The following NRDC variants were observed in gnomAD, a reference collection of about 807,000 sequenced individuals.
NRDC encodes nardilysin.
Under a neutral mutation model 147.1 loss-of-function variants are expected in NRDC, and 54 were observed. The observed-to-expected ratio is 0.37, with a 90% CI of 0.29 to 0.46. The LOEUF is 0.46. NRDC is among the 20% of genes least tolerant of loss of function. The pLI is 1.00. For synonymous variants in NRDC, 440 were observed against 482.1 expected, an observed-to-expected ratio of 0.91 and a Z score of 1.14; for missense variants, 1,082 against 1,370.6, an observed-to-expected ratio of 0.79 and a Z score of 3.33.
At position 51,812,187 on chromosome 1, in the gene NRDC, T is replaced by C. The variant is rs554631816; in HGVS notation, c.1675-89A>G. Reference sequence around the variant, plus strand: ...ATACAAATACTTTCTCCCTTTCTTATTAACAATAAAACCAAAAGCTTCTGA... The same window carrying C: ...ATACAAATACTTTCTCCCTTTCTTACTAACAATAAAACCAAAAGCTTCTGA... On this transcript the variant is annotated intron_variant, in intron 14 of 30. Coordinates refer to ENST00000352171, the MANE Select transcript of NRDC (RefSeq NM_001101662.2). 6.3e-6 allele frequency: 6 copies of C among 954,344 alleles called. No homozygotes were observed. In the African/African-American group the frequency reaches 6.6e-5, roughly 10 times the overall value. 59.1% of individuals were successfully genotyped at this position (954,344 alleles called of 1,614,324 possible). A position where few individuals can be genotyped will look rare whatever the true frequency, so the allele number is the denominator to read the frequency against.
At chr1:51,877,736 C>T (rs1683402086) in intron 1 of NRDC, among the ~76,000 whole-genome samples, 1 of 152,170 alleles carries the variant, frequency 6.6e-6, no homozygotes, top group Admixed American at 6.5e-5. Flanking sequence ...GTCGCCCAAC[C>T]GTTTTGGTAA....
chr1:51,836,166 T>A lies in NRDC; in HGVS notation c.677A>T (p.Asp226Val). Reference sequence around the variant, plus strand: ...AAAGTGTGCCAGCCCCGGCAGGTCATCTGGATCAGCGAAACTCCCAACTCC... The same window carrying A: ...AAAGTGTGCCAGCCCCGGCAGGTCAACTGGATCAGCGAAACTCCCAACTCC... ...CVGVGSFADP[D>V]DLPGLAHFLE... Residue 226 changes from aspartate (D) to valine (V), a missense_variant, in exon 3 of 31, where the codon GAT (aspartate) becomes GTT (valine). Physicochemically the swap from Asp to Val is radical, Grantham distance 152. This residue lies in a region of NRDC where 635 missense variants were observed against 923.8 expected (regional missense o/e 0.69). Transcript: ENST00000352171. 6.2e-7 allele frequency: 1 copy of A among 1,614,172 alleles called. No individual in the cohort carries two copies. Among genetic ancestry groups the A allele is most frequent in the Non-Finnish European group, 8.5e-7 (1 of 1,180,024 alleles).
chr1:51,836,455 G>C, intron 2 of NRDC: 1 of 1,610,438 alleles, frequency 6.2e-7, no homozygotes, highest in Non-Finnish European at 8.5e-7. Flanking sequence ...AAAAAAAGCA[G>C]AAACAGACAG....
chr1:51,847,728 C>T (rs918649297), intron 1 of NRDC, among the ~76,000 whole-genome samples: 10 of 152,196 alleles, frequency 6.6e-5, no homozygotes, highest in African/African-American at 1.7e-4. Flanking sequence ...CGTGCAACCC[C>T]GGTTCCCGCC....
intron 20 of NRDC, among the ~76,000 whole-genome samples, chr1:51,802,969 T>A (rs1250101985): frequency 6.6e-6 from 1 of 152,178 alleles, no homozygotes; most frequent in African/African-American, 2.4e-5. Flanking sequence ...TATTTTTTCC[T>A]CCTCTTATGA....
chr1:51,851,564 T>C (rs1681951080), intron 1 of NRDC, among the ~76,000 whole-genome samples: 1 of 152,008 alleles, frequency 6.6e-6, no homozygotes, highest in Admixed American at 6.6e-5. Flanking sequence ...AAAAATGATT[T>C]TTTTTTAATT....
chr1:51,790,216 A>G (rs1678536271), intron 29 of NRDC, among the ~76,000 whole-genome samples: 1 of 148,196 alleles, frequency 6.7e-6, no homozygotes, highest in African/African-American at 2.7e-5. Flanking sequence ...CCGTAAAGAC[A>G]AAGAGTCCTC....
At chr1:51,840,845 C>G (rs1681234081) in intron 1 of NRDC, among the ~76,000 whole-genome samples, 1 of 152,112 alleles carries the variant, frequency 6.6e-6, no homozygotes, top group African/African-American at 2.4e-5. Context: ...CTCAGCCTCC[C>G]CTATTTCTCA....
intron 20 of NRDC, among the ~76,000 whole-genome samples, chr1:51,803,568 C>A (rs1009141142): frequency 6.6e-6 from 1 of 151,704 alleles, no homozygotes; most frequent in Non-Finnish European, 1.5e-5. Context: ...AAACTGACAG[C>A]AAAGGGAAGT....
intron 23 of NRDC, 26 bp downstream of exon 23, chr1:51,794,797 C>T (rs768187077): frequency 6.2e-7 from 1 of 1,613,032 alleles, no homozygotes. Context: ...AACACATAAC[C>T]CCAAAGAGAA....
At chr1:51,853,520 G>A (rs1317595382) in intron 1 of NRDC, among the ~76,000 whole-genome samples, 1 of 152,222 alleles carries the variant, frequency 6.6e-6, no homozygotes, top group Admixed American at 6.5e-5. Flanking sequence ...AAAGATGGAT[G>A]CGGGTTATTT....
intron 1 of NRDC, among the ~76,000 whole-genome samples, chr1:51,869,751 A>G (rs1196939717): frequency 6.6e-6 from 1 of 152,236 alleles, no homozygotes; most frequent in Non-Finnish European, 1.5e-5. Context: ...AAACAGTAAT[A>G]GCTAACATTT....
intron 18 of NRDC, 26 bp downstream of exon 18, chr1:51,806,768 G>T: frequency 1.9e-6 from 3 of 1,604,134 alleles, no homozygotes; most frequent in African/African-American, 2.7e-5. Context: ...ATTCAGCAGG[G>T]AAGTAACAGG....
At chr1:51,860,327 ATTG>A (rs996587477) in intron 1 of NRDC, among the ~76,000 whole-genome samples, 66 of 152,242 alleles carry the variant, frequency 4.3e-4, no homozygotes, top group African/African-American at 1.5e-3. Context: ...CCCAGATAGA[ATTG>A]TTTTTTCTTC....
chr1:51,810,621 T>G (rs897753676), intron 15 of NRDC, among the ~76,000 whole-genome samples: 8 of 152,264 alleles, frequency 5.3e-5, no homozygotes, highest in African/African-American at 1.7e-4. Flanking sequence ...AAGTATATTC[T>G]TGATAATGCT....
chr1:51,868,573 T>C (rs1682931567), intron 1 of NRDC, among the ~76,000 whole-genome samples: 1 of 152,170 alleles, frequency 6.6e-6, no homozygotes, highest in Admixed American at 6.5e-5. Context: ...AAATCTATCA[T>C]GTAGTAACAG....
At position 51,833,890 on chromosome 1, in the gene NRDC, C is replaced by T. The variant is rs558154206; in HGVS notation, c.866+127G>A. The T allele has an allele frequency of 8.8e-6, 7 of 797,116 alleles. No homozygotes were observed. In the East Asian group the frequency reaches 1.6e-4, roughly 18 times the overall value. 49.4% of individuals were successfully genotyped at this position (797,116 alleles called of 1,614,324 possible). On this transcript the variant is annotated intron_variant, in intron 4 of 30. Transcript: ENST00000352171. Reference sequence around the variant, plus strand: ...TCAGCCTCCCAAAGTACTTGAGTTACAGGCATGAGTCACCATGACTGGTCC... The same window carrying T: ...TCAGCCTCCCAAAGTACTTGAGTTATAGGCATGAGTCACCATGACTGGTCC...
intron 1 of NRDC, among the ~76,000 whole-genome samples, chr1:51,867,355 AG>A (rs1682861331): frequency 6.6e-6 from 1 of 152,226 alleles, no homozygotes; most frequent in South Asian, 2.1e-4. Context: ...TTCCAGTGCA[AG>A]AGAAAGACAA....
intron 22 of NRDC, among the ~76,000 whole-genome samples, chr1:51,797,780 TTTTCTTTTGAGACA>T (rs1679000066): frequency 6.6e-6 from 1 of 152,216 alleles, no homozygotes; most frequent in South Asian, 2.1e-4. Flanking sequence ...TCTTTATTTC[TTTTCTTTTGAGACA>T]GGGTCTTACT....
Sources: gnomAD v4.1 joint callset for allele counts (sites outside exome capture counted in the v4.1 genomes callset) on GRCh38, gnomAD v4.1.1 for gene constraint, gnomAD v4.1.1 regional missense constraint, MANE v1.5 for transcripts, NCBI Gene and HGNC (gene_info 2026-07-23, HGNC 2026-07-21) for gene names.